THSD1: variants seen among roughly 807,000 people sequenced by gnomAD.
THSD1 encodes the protein thrombospondin type-1 domain-containing protein 1.
In THSD1, 34 loss-of-function variants were observed where a neutral mutation model predicts 46.3. The observed-to-expected ratio is 0.74, with a 90% CI of 0.56 to 0.98. The LOEUF (loss-of-function observed/expected upper bound fraction) is 0.98, where lower values mean the gene tolerates loss of function less well. Ranked by LOEUF, THSD1 falls within the 50% of genes least tolerant of loss-of-function variation. The pLI is 0.00. For missense variants in THSD1, 1,023 were observed against 1,058.3 expected, an observed-to-expected ratio of 0.97 and a Z score of 0.46; for synonymous variants, 407 against 416.5, an observed-to-expected ratio of 0.98 and a Z score of 0.28.
In THSD1 at chr13:52,406,040, C is replaced by T. The variant is rs1449716893; in HGVS notation, c.-91G>A. On this transcript the variant is annotated 5_prime_UTR_variant, in exon 1 of 5. Transcript: ENST00000258613. ...GGAGGGCGCTTCTTACCTTTCGAGACTGACGGGCAGCAACCCCAGGCCGTC... is the reference window on the plus strand; with the variant it reads ...GGAGGGCGCTTCTTACCTTTCGAGATTGACGGGCAGCAACCCCAGGCCGTC... 6.6e-6 allele frequency: 1 copy of T among 152,322 alleles called. No individual in the cohort carries two copies. The highest frequency in any genetic ancestry group is 6.5e-5 in the Admixed American group (1 of 15,286). 9.4% of individuals were successfully genotyped at this position (152,322 alleles called of 1,614,324 possible).
At chr13:52,382,879 G>A (rs1443986409) in intron 4 of THSD1, among the ~76,000 whole-genome samples, 2 of 152,094 alleles carry the variant, frequency 1.3e-5, no homozygotes, top group African/African-American at 2.4e-5. Flanking sequence ...GTGTGCACCT[G>A]TAGTCCCAGC....
At chr13:52,402,464 C>A in intron 2 of THSD1, 79 bp downstream of exon 2, 3 of 1,408,534 alleles carry the variant, frequency 2.1e-6, no homozygotes, top group South Asian at 2.4e-5. Flanking sequence ...CAGGAAGAGT[C>A]ATCAACATCA....
chr13:52,402,703 A>G (rs896903167), intron 1 of THSD1, 22 bp from the exon 2 acceptor site: 5 of 1,547,056 alleles, frequency 3.2e-6, no homozygotes, highest in Non-Finnish European at 4.4e-6. Context: ...ACCTCAAAAA[A>G]TGATGGCTCC....
chr13:52,404,547 T>C (rs1255988725), intron 1 of THSD1, among the ~76,000 whole-genome samples: 1 of 152,144 alleles, frequency 6.6e-6, no homozygotes, highest in Non-Finnish European at 1.5e-5. Context: ...AAGAAAATTG[T>C]TTTGGGTGGA....
chr13:52,393,590 G>C (rs1230262341), intron 3 of THSD1, among the ~76,000 whole-genome samples: 1 of 152,132 alleles, frequency 6.6e-6, no homozygotes, highest in Non-Finnish European at 1.5e-5. Flanking sequence ...CCCGGGAGGT[G>C]GCAGGTGCAG....
chr13:52,397,605 G>C lies in THSD1; in HGVS notation c.648C>G (p.Thr216=). The C allele has an allele frequency of 6.2e-7, 1 of 1,614,158 alleles. No individual in the cohort carries two copies. Among genetic ancestry groups the C allele is most frequent in the South Asian group, 1.1e-5 (1 of 91,080 alleles). Residue 216 remains threonine, a synonymous_variant, in exon 3 of 5, where the codon ACC becomes ACG. Transcript: ENST00000258613. ...CAPLGPEAYV[T]VVLKLLGRDS... is the part of the protein sequence containing the mutation. ...CTCGCCCAAGCAGCTTCAGCACCAC[G>C]GTGACATAGGCTTCTGGCCCCAAGG...
chr13:52,377,661 A>T lies in THSD1; in HGVS notation c.2309T>A (p.Val770Asp). 2 of 1,610,012 alleles carry T rather than the reference A, an allele frequency of 1.2e-6. No individual in the cohort carries two copies. Among genetic ancestry groups the T allele is most frequent in the South Asian group, 2.2e-5 (2 of 90,940 alleles). The part of the protein sequence containing the change: ...RRGPSPSHKS[V>D]SRKQSSPISP... The stretch of plus-strand genomic sequence containing the variant: ...TATGGGAGAAGACTGCTTCCTTGAG[A>T]CACTCTTGTGACTGGGGGACGGTCC... Residue 770 changes from valine (V) to aspartate (D), a missense_variant, in exon 5 of 5, where the codon GTC (valine) becomes GAC (aspartate). Physicochemically the swap from Val to Asp is radical, Grantham distance 152. This residue lies in a region of THSD1 where 578 missense variants were observed against 497.4 expected (regional missense o/e 1.16). Transcript: ENST00000258613.
At chr13:52,396,991 C>T (rs1006394023) in intron 3 of THSD1, among the ~76,000 whole-genome samples, 4 of 152,206 alleles carry the variant, frequency 2.6e-5, no homozygotes, top group Admixed American at 2.6e-4. Flanking sequence ...ATCTCCACGA[C>T]TCTGAAGTAT....
chr13:52,384,571 G>A (rs1189596721), intron 4 of THSD1, among the ~76,000 whole-genome samples: 1 of 152,208 alleles, frequency 6.6e-6, no homozygotes, highest in Non-Finnish European at 1.5e-5. Flanking sequence ...GTGAGATAAT[G>A]TATTTTAAGT....
In THSD1 at chr13:52,378,041, G is replaced by T. The variant is rs1330449323; in HGVS notation, c.1929C>A (p.Ser643Arg). 4 of 1,614,132 alleles carry T rather than the reference G, an allele frequency of 2.5e-6. No individual in the cohort carries two copies. In the South Asian group the frequency reaches 4.4e-5, roughly 18 times the overall value. Residue 643 changes from serine to arginine, a missense_variant, in exon 5 of 5, where the codon AGC becomes AGA. Ser to Arg is a moderately radical substitution (Grantham distance 110). Coordinates refer to ENST00000258613, the MANE Select transcript of THSD1 (RefSeq NM_018676.4). ...TCCTGAAATGGGCGTTCCTGGCATG[G>T]CTCCTTTCGGACGGGCCCCCTCTGC... Reference protein sequence around the residue: ...VGSRGGPSERSHARNAHFRRT... With the variant: ...VGSRGGPSERRHARNAHFRRT...
At position 52,398,055 on chromosome 13, in the gene THSD1, G is replaced by A. The variant is rs769253402; in HGVS notation, c.198C>T (p.Ala66=). 1.9e-6 allele frequency: 3 copies of A among 1,614,164 alleles called. No homozygotes were observed. The highest frequency in any genetic ancestry group is 1.1e-5 in the South Asian group (1 of 91,076). The part of the protein sequence containing the change: ...LRNVSVLLLE[A]NTNQTVTTKY... Reference sequence around the variant, plus strand: ...TGGTAGTTACAGTCTGATTGGTGTTGGCCTCCAACAGCAGGACAGATACAT... The same window carrying A: ...TGGTAGTTACAGTCTGATTGGTGTTAGCCTCCAACAGCAGGACAGATACAT... Residue 66 remains alanine (A), a synonymous_variant, in exon 3 of 5, where the codon GCC becomes GCT. Coordinates refer to ENST00000258613, the MANE Select transcript of THSD1 (RefSeq NM_018676.4).
rs746272524 is a variant in THSD1, at chr13:52,379,145, A to T, written c.1181-356T>A. On this transcript the variant is annotated intron_variant, in intron 4 of 4. Coordinates refer to ENST00000258613, the MANE Select transcript of THSD1 (RefSeq NM_018676.4). ...CCAAAGTGCTGGGATTACAGGTGTT[A>T]GCCACTGTGCCCAGCCCAAATATGT... Among the ~76,000 whole-genome samples, 120 of 152,130 alleles carry T rather than the reference A, an allele frequency of 7.9e-4. 4 individuals carry two copies. The highest frequency in any genetic ancestry group is 1.6e-4 in the Non-Finnish European group (11 of 68,014).
intron 4 of THSD1, among the ~76,000 whole-genome samples, chr13:52,380,722 A>C (rs1288649552): frequency 6.6e-6 from 1 of 152,098 alleles, no homozygotes; most frequent in Non-Finnish European, 1.5e-5. Flanking sequence ...TGCTGGGATT[A>C]CACATACTTT....
chr13:52,385,047 AC>A (rs1423237832), intron 4 of THSD1, among the ~76,000 whole-genome samples: 1 of 152,172 alleles, frequency 6.6e-6, no homozygotes, highest in East Asian at 1.9e-4. Context: ...TTCTAAGGCC[AC>A]AGGTGGGGAC....
Position 52,378,440 on chromosome 13 carries a change from G to GGCA in THSD1, c.1527_1529dup (p.Ala510dup), listed in dbSNP as rs1566959232. ...TGGACTGGAAGCTCTCGCTGCCAGAGGCATCATCCTCGGGAGGTACCGGCC... is the reference window on the plus strand; with the variant it reads ...TGGACTGGAAGCTCTCGCTGCCAGAGGCAGCATCATCCTCGGGAGGTACCGGCC... On this transcript the variant is annotated inframe_insertion, in exon 5 of 5. Coordinates refer to ENST00000258613, the MANE Select transcript of THSD1 (RefSeq NM_018676.4). The GGCA allele has an allele frequency of 1.9e-6, 3 of 1,614,116 alleles. No individual in the cohort carries two copies. The East Asian group carries it at 6.7e-5, about 36-fold the overall frequency.
Position 52,378,145 on chromosome 13 carries a change from G to A in THSD1, c.1825C>T (p.Leu609=), listed in dbSNP as rs372430110. The A allele has an allele frequency of 6.2e-6, 10 of 1,614,094 alleles. No individual in the cohort carries two copies. Among genetic ancestry groups the A allele is most frequent in the Admixed American group, 1.7e-5 (1 of 60,008 alleles). Reference sequence around the variant, plus strand: ...GCACAACTGGCCTGAGTCACATTTAGATCCAGCCTGGAGGGAGGCCTTTCC... The same window carrying A: ...GCACAACTGGCCTGAGTCACATTTAAATCCAGCCTGGAGGGAGGCCTTTCC... The part of the protein sequence containing the change: ...AGERPPSRLD[L]NVTQASCAIS... The change falls in exon 5 of 5, where the codon CTA becomes TTA. Residue 609 remains leucine (L), a synonymous_variant. Transcript: ENST00000258613.
intron 3 of THSD1, among the ~76,000 whole-genome samples, chr13:52,389,545 A>G (rs1013306232): frequency 6.6e-6 from 1 of 151,152 alleles, no homozygotes; most frequent in Admixed American, 6.6e-5. Context: ...TGTTAAAAGT[A>G]AAAAAACGGA....
At position 52,378,147 on chromosome 13, in the gene THSD1, T is replaced by G. The variant is rs762347598; in HGVS notation, c.1823A>C (p.Asp608Ala). The G allele has an allele frequency of 4.3e-6, 7 of 1,614,104 alleles. No individual in the cohort carries two copies. In the Admixed American group the frequency reaches 1.2e-4, roughly 27 times the overall value. The change falls in exon 5 of 5, where the codon GAT becomes GCT. Residue 608 changes from aspartate to alanine, a missense_variant. Around this residue, in one of 3 missense-constraint regions of THSD1, gnomAD observed 578 missense variants for 497.4 expected, o/e 1.16. Coordinates refer to ENST00000258613, the MANE Select transcript of THSD1 (RefSeq NM_018676.4). ...ACAACTGGCCTGAGTCACATTTAGA[T>G]CCAGCCTGGAGGGAGGCCTTTCCCC... ...SAGERPPSRL[D>A]LNVTQASCAI...
At position 52,377,751 on chromosome 13, in the gene THSD1, A is replaced by G. The variant is rs145122037; in HGVS notation, c.2219T>C (p.Leu740Pro). 6.2e-7 allele frequency: 1 copy of G among 1,614,110 alleles called. No homozygotes were observed. The highest frequency in any genetic ancestry group is 1.7e-5 in the Admixed American group (1 of 60,020). ...CACTAATCCTGCCTGGTGATCCCCA[A>G]GGTCTGGTTTCCTCAAGGGCTGCCC... ...TLGQPLRKPDLGDHQAGLVAG... is the reference protein window; with the variant it reads ...TLGQPLRKPDPGDHQAGLVAG... Residue 740 changes from leucine (L) to proline (P), a missense_variant, in exon 5 of 5, where the codon CTT (leucine) becomes CCT (proline). Physicochemically the swap from Leu to Pro is moderately conservative, Grantham distance 98. This residue lies in a region of THSD1 where 578 missense variants were observed against 497.4 expected (regional missense o/e 1.16). Transcript: ENST00000258613.
Sources: gnomAD v4.1 joint callset for allele counts (sites outside exome capture counted in the v4.1 genomes callset) on GRCh38, gnomAD v4.1.1 for gene constraint, gnomAD v4.1.1 regional missense constraint, MANE v1.5 for transcripts, NCBI Gene and HGNC (gene_info 2026-07-23, HGNC 2026-07-21) for gene names.